PLEKHG3: variants seen among roughly 807,000 people sequenced by gnomAD.
PLEKHG3 encodes pleckstrin homology and RhoGEF domain containing G3.
PLEKHG3 carries 62 observed loss-of-function variants against 94.9 expected under a neutral mutation model. The observed-to-expected ratio is 0.65, with a 90% confidence interval of 0.53 to 0.81. PLEKHG3 has a LOEUF of 0.81. Ranked by LOEUF, PLEKHG3 falls within the 30% of genes least tolerant of loss-of-function variation. The pLI is 0.00. For missense variants in PLEKHG3, 1,461 were observed against 1,619.3 expected (o/e 0.90, Z 1.68); for synonymous variants, 614 against 654.0 (o/e 0.94, Z 0.93).
In PLEKHG3 at chr14:64,738,942, G is replaced by A; in HGVS notation, c.1518+87G>A. Reference sequence around the variant, plus strand: ...CTGCAAATAGGGCTTTCAGGCACAGGCTCTCCCACTGGGCCCATGGGAACA... The same window carrying A: ...CTGCAAATAGGGCTTTCAGGCACAGACTCTCCCACTGGGCCCATGGGAACA... On this transcript the variant is annotated intron_variant, in intron 15 of 16. Transcript: ENST00000247226. This position sits in a 1 kb window ranked among gnomAD's most constrained non-coding sequence, Gnocchi z 4.8. 1.2e-6 allele frequency: 1 copy of A among 814,934 alleles called. No individual in the cohort carries two copies. The highest frequency in any genetic ancestry group is 2.1e-6 in the Non-Finnish European group (1 of 481,622). 50.5% of individuals were successfully genotyped at this position (814,934 alleles called of 1,614,324 possible). A position where few individuals can be genotyped will look rare whatever the true frequency, so the allele number is the denominator to read the frequency against.
chr14:64,737,357 C>A lies in PLEKHG3; in HGVS notation c.1386C>A (p.Ala462=), dbSNP rs752718718. 2 of 1,602,294 alleles carry A rather than the reference C, an allele frequency of 1.2e-6. No homozygotes were observed. The highest frequency in any genetic ancestry group is 1.7e-6 in the Non-Finnish European group (2 of 1,174,892). Residue 462 remains alanine (A), a splice_region_variant and synonymous_variant, in exon 14 of 17, where the codon GCC becomes GCA. Transcript: ENST00000247226. ...KHLLRQLNEK[A]RAAGMKGKGR... ...GGGACCCGGTGGTGATGTCTGCAGCCCGAGCAGCAGGAATGAAGGTAAAGG... is the reference window on the plus strand; with the variant it reads ...GGGACCCGGTGGTGATGTCTGCAGCACGAGCAGCAGGAATGAAGGTAAAGG...
rs777430339 is a variant in PLEKHG3 at position 64,749,478 on chromosome 14, G to A, written c.*5775G>A. 1.8e-5 allele frequency: 29 copies of A among 1,599,184 alleles called. No homozygotes were observed. Among genetic ancestry groups the A allele is most frequent in the East Asian group, 4.5e-5 (2 of 44,814 alleles). On this transcript the variant is annotated 3_prime_UTR_variant, in exon 17 of 17. Coordinates refer to ENST00000247226, the MANE Select transcript of PLEKHG3 (RefSeq NM_001308147.2). This position sits in a 1 kb window ranked among gnomAD's most constrained non-coding sequence, Gnocchi z 4.7. ...CAGCCAGGACAGCATCTCCTCCTGC[G>A]GGGCGGAGGGTCACGGTGGAGTCTG...
At chr14:64,740,943 A>T in intron 15 of PLEKHG3, 93 bp from the exon 16 acceptor site, 1 of 1,041,076 alleles carries the variant, frequency 9.6e-7, no homozygotes, top group East Asian at 2.4e-5. Flanking sequence ...GGTCCCTGTC[A>T]TTGGGCCTTG....
Position 64,731,979 on chromosome 14 carries a change from C to A in PLEKHG3, c.1126-116C>A. The A allele has an allele frequency of 2.3e-6, 2 of 884,238 alleles. No individual in the cohort carries two copies. 54.8% of individuals were successfully genotyped at this position (884,238 alleles called of 1,614,324 possible). A position where few individuals can be genotyped will look rare whatever the true frequency, so the allele number is the denominator to read the frequency against. ...TCAAAGTGAGGAGTCAGGTTAACCT[C>A]ACAGAGGCCCCAGCATGGCCCCACT... is the stretch of plus-strand genomic sequence containing the variant. On this transcript the variant is annotated intron_variant, in intron 9 of 16. Coordinates refer to ENST00000247226, the MANE Select transcript of PLEKHG3 (RefSeq NM_001308147.2). The surrounding 1 kb of genome is among the most constrained non-coding windows in gnomAD (Gnocchi z 6.1).
At chr14:64,710,980 G>A (rs1238439582) in intron 1 of PLEKHG3, among the ~76,000 whole-genome samples, 2 of 152,184 alleles carry the variant, frequency 1.3e-5, no homozygotes, top group African/African-American at 4.8e-5. Context: ...AGGCAGGGAA[G>A]TGTGTAACGG....
At position 64,723,030 on chromosome 14, in the gene PLEKHG3, G is replaced by A. The variant is rs1029161730; in HGVS notation, c.-39-4563G>A. On this transcript the variant is annotated intron_variant, in intron 1 of 16. Coordinates refer to ENST00000247226, the MANE Select transcript of PLEKHG3 (RefSeq NM_001308147.2). The surrounding 1 kb of genome is among the most constrained non-coding windows in gnomAD (Gnocchi z 4.5). Reference sequence around the variant, plus strand: ...TCAGAATGGGGCATGGTGCTGAGGCGTAGTGGGGAGGGGAAGGATGTGGCC... The same window carrying A: ...TCAGAATGGGGCATGGTGCTGAGGCATAGTGGGGAGGGGAAGGATGTGGCC... Among the ~76,000 whole-genome samples, 6 of 152,130 alleles carry A rather than the reference G, an allele frequency of 3.9e-5. No individual in the cohort carries two copies. Among genetic ancestry groups the A allele is most frequent in the African/African-American group, 9.7e-5 (4 of 41,422 alleles).
chr14:64,731,342 T>A lies in PLEKHG3; in HGVS notation c.850-19T>A, dbSNP rs557292488. On this transcript the variant is annotated intron_variant, in intron 7 of 16. Transcript: ENST00000247226. The surrounding 1 kb of genome is among the most constrained non-coding windows in gnomAD (Gnocchi z 6.1). ...GCCCCAGTGGCCTGACTCTAGGGAT[T>A]GGGGCCCCTCTGCTGCAGGAGATTC... 6.2e-7 allele frequency: 1 copy of A among 1,609,602 alleles called. No homozygotes were observed. The highest frequency in any genetic ancestry group is 2.2e-5 in the East Asian group (1 of 44,816).
Position 64,743,208 on chromosome 14 carries a change from C to T in PLEKHG3, c.3165C>T (p.Ser1055=), listed in dbSNP as rs2081753407. 2 of 1,609,750 alleles carry T rather than the reference C, an allele frequency of 1.2e-6. No individual in the cohort carries two copies. The highest frequency in any genetic ancestry group is 2.2e-5 in the South Asian group (2 of 91,046). Residue 1055 remains serine, a synonymous_variant, in exon 17 of 17, where the codon TCC becomes TCT. Coordinates refer to ENST00000247226, the MANE Select transcript of PLEKHG3 (RefSeq NM_001308147.2). This position sits in a 1 kb window ranked among gnomAD's most constrained non-coding sequence, Gnocchi z 7.2. ...FSWPDVRELC[S]KYASRDEARR... is the part of the protein sequence containing the mutation. Reference sequence around the variant, plus strand: ...GGCCCGACGTCCGTGAGCTCTGCTCCAAGTATGCCTCCCGCGATGAGGCAC... The same window carrying T: ...GGCCCGACGTCCGTGAGCTCTGCTCTAAGTATGCCTCCCGCGATGAGGCAC...
At chr14:64,729,581 T>C (rs1438794527) in intron 3 of PLEKHG3, among the ~76,000 whole-genome samples, 1 of 151,910 alleles carries the variant, frequency 6.6e-6, no homozygotes, top group Non-Finnish European at 1.5e-5. Flanking sequence ...AAGGCATGGG[T>C]CTCCTGCCTG....
At position 64,721,859 on chromosome 14, in the gene PLEKHG3, T is replaced by C. The variant is rs903429121; in HGVS notation, c.-39-5734T>C. On this transcript the variant is annotated intron_variant, in intron 1 of 16. Coordinates refer to ENST00000247226, the MANE Select transcript of PLEKHG3 (RefSeq NM_001308147.2). This position sits in a 1 kb window ranked among gnomAD's most constrained non-coding sequence, Gnocchi z 4.3. ...AAGAGCTGGGCCTCTGGGGACAGTT[T>C]GGGAGCCGGGTGGCCCAGAGTGGTG... 1.3e-5 allele frequency among the ~76,000 whole-genome samples: 2 copies of C among 152,010 alleles called. No individual in the cohort carries two copies. Among genetic ancestry groups the C allele is most frequent in the Non-Finnish European group, 2.9e-5 (2 of 67,960 alleles).
chr14:64,730,388 G>T lies in PLEKHG3; in HGVS notation c.519+76G>T. On this transcript the variant is annotated intron_variant, in intron 4 of 16. Transcript: ENST00000247226. The surrounding 1 kb of genome is among the most constrained non-coding windows in gnomAD (Gnocchi z 5.4). Reference sequence around the variant, plus strand: ...GAGACAAGAACTGCCAGCATAAGAGGACATCTGAGTCCTGGGGATTCCTTT... The same window carrying T: ...GAGACAAGAACTGCCAGCATAAGAGTACATCTGAGTCCTGGGGATTCCTTT... 1.0e-6 allele frequency: 1 copy of T among 972,766 alleles called. No homozygotes were observed. The highest frequency in any genetic ancestry group is 1.6e-6 in the Non-Finnish European group (1 of 632,680). The allele number at this position is 972,766 out of a possible 1,614,324, so 60.3% of individuals were successfully genotyped here. A position where few individuals can be genotyped will look rare whatever the true frequency, so the allele number is the denominator to read the frequency against.
rs761156943 is a variant in PLEKHG3 at position 64,741,338 on chromosome 14, G to C, written c.1821G>C (p.Glu607Asp). The change falls in exon 16 of 17, where the codon GAG (glutamate) becomes GAC (aspartate). Residue 607 changes from glutamate to aspartate, a missense_variant. Coordinates refer to ENST00000247226, the MANE Select transcript of PLEKHG3 (RefSeq NM_001308147.2). Reference sequence around the variant, plus strand: ...TGGACCAGGCCAGCGTCATTGCGGAGCGATTTGTCAGCAGCTTCTCTCGGC... The same window carrying C: ...TGGACCAGGCCAGCGTCATTGCGGACCGATTTGTCAGCAGCTTCTCTCGGC... ...SVLDQASVIA[E>D]RFVSSFSRRS... 1 of 1,613,684 alleles carries C rather than the reference G, an allele frequency of 6.2e-7. No individual in the cohort carries two copies. Among genetic ancestry groups the C allele is most frequent in the Admixed American group, 1.7e-5 (1 of 60,034 alleles).
chr14:64,742,831 G>T, intron 16 of PLEKHG3, 151 bp from the exon 17 acceptor site: 1 of 725,370 alleles, frequency 1.4e-6, no homozygotes, highest in East Asian at 2.5e-5. Context: ...TCATGAAAGA[G>T]GCTGTGGATG....
chr14:64,705,817 C>G (rs895248294), intron 1 of PLEKHG3, among the ~76,000 whole-genome samples: 1 of 152,198 alleles, frequency 6.6e-6, no homozygotes, highest in African/African-American at 2.4e-5. Context: ...CCCAGCTGTT[C>G]CCCAGGAGGA....
chr14:64,721,133 G>A lies in PLEKHG3; in HGVS notation c.-39-6460G>A, dbSNP rs777328571. ...GAGGGTCAGGCTGTAGATATCCTTG[G>A]GTGGGGGCATTATTCAGCTTACACT... On this transcript the variant is annotated intron_variant, in intron 1 of 16. Coordinates refer to ENST00000247226, the MANE Select transcript of PLEKHG3 (RefSeq NM_001308147.2). The surrounding 1 kb of genome is among the most constrained non-coding windows in gnomAD (Gnocchi z 4.3). 1.2e-4 allele frequency among the ~76,000 whole-genome samples: 19 copies of A among 152,224 alleles called. No individual in the cohort carries two copies. The highest frequency in any genetic ancestry group is 2.4e-4 in the Non-Finnish European group (16 of 68,042).
At chr14:64,737,047 C>T (rs1594704107) in intron 13 of PLEKHG3, 156 bp downstream of exon 13, 1 of 712,750 alleles carries the variant, frequency 1.4e-6, no homozygotes, top group East Asian at 2.7e-5. Context: ...GAGGGCCTCG[C>T]CCCTGGCTGG....
chr14:64,713,902 A>G lies in PLEKHG3; in HGVS notation c.-40+9198A>G, dbSNP rs573685451. Among the ~76,000 whole-genome samples the G allele has an allele frequency of 2.9e-3, 435 of 151,792 alleles. 1 individual carries two copies. The highest frequency in any genetic ancestry group is 9.5e-3 in the African/African-American group (392 of 41,376). On this transcript the variant is annotated intron_variant, in intron 1 of 16. Coordinates refer to ENST00000247226, the MANE Select transcript of PLEKHG3 (RefSeq NM_001308147.2). ...TCTCTTTAGCTGTGTTTAATTTTCT[A>G]TTTAACTATTGGGTTTTATATTTCA...
chr14:64,741,757 A>C lies in PLEKHG3; in HGVS notation c.2240A>C (p.Lys747Thr). 1 of 1,613,176 alleles carries C rather than the reference A, an allele frequency of 6.2e-7. No individual in the cohort carries two copies. The highest frequency in any genetic ancestry group is 8.5e-7 in the Non-Finnish European group (1 of 1,180,002). The change falls in exon 16 of 17, where the codon AAA becomes ACA. Residue 747 changes from lysine to threonine, a missense_variant. Around this residue, in one of 3 missense-constraint regions of PLEKHG3, gnomAD observed 1,201 missense variants for 1,295.5 expected, o/e 0.93. Transcript: ENST00000247226. ...RRRESLSYIP[K>T]GLVRNSISRF... ...CGGGAGAGCCTCTCCTACATCCCCA[A>C]AGGACTGGTAAGAAACTCCATCTCC...
chr14:64,749,639 G>A lies in PLEKHG3; in HGVS notation c.*5936G>A. ...CCCTTCTTAGCCAGGTCTGGGCTAG[G>A]CTGCCCGCGCTTACCTCATCCTTGC... On this transcript the variant is annotated 3_prime_UTR_variant, in exon 17 of 17. Transcript: ENST00000247226. The surrounding 1 kb of genome is among the most constrained non-coding windows in gnomAD (Gnocchi z 4.7). 1.2e-6 allele frequency: 2 copies of A among 1,613,464 alleles called. No homozygotes were observed. Among genetic ancestry groups the A allele is most frequent in the Non-Finnish European group, 1.7e-6 (2 of 1,179,916 alleles).
Sources: gnomAD v4.1 joint callset for allele counts (sites outside exome capture counted in the v4.1 genomes callset) on GRCh38, gnomAD v4.1.1 for gene constraint, gnomAD v4.1.1 regional missense constraint, Gnocchi (gnomAD v3.1) non-coding constraint, MANE v1.5 for transcripts, NCBI Gene and HGNC (gene_info 2026-07-23, HGNC 2026-07-21) for gene names.